Variants in IL3 observed in about 807,000 individuals in gnomAD.
The protein encoded by IL3 is interleukin-3.
IL3 carries 15 observed loss-of-function variants against 15.4 expected under a neutral mutation model. The ratio of observed to expected loss-of-function variants is 0.97; its 90% CI spans 0.65 to 1.50. The LOEUF (loss-of-function observed/expected upper bound fraction) is 1.50, where lower values mean the gene tolerates loss of function less well. IL3 is among the 40% of genes most tolerant of loss of function. The probability of loss-of-function intolerance (pLI) is 0.00; values close to 1 mark genes in which losing one functional copy is unlikely to be tolerated. For synonymous variants in IL3, 74 were observed against 79.3 expected (o/e 0.93, Z 0.36); for missense variants, 162 against 192.2 (o/e 0.84, Z 0.93).
rs1375334325 is a variant in IL3, at chr5:132,063,018, A to G, written c.*227A>G. The stretch of plus-strand genomic sequence containing the variant: ...TTCTCATTTTTATCCCATTGAGACT[A>G]TTTATTTATGTATGTATGTATTTAT... On this transcript the variant is annotated 3_prime_UTR_variant, in exon 5 of 5. Coordinates refer to ENST00000296870, the MANE Select transcript of IL3 (RefSeq NM_000588.4). 2 of 527,900 alleles carry G rather than the reference A, an allele frequency of 3.8e-6. No homozygotes were observed. The highest frequency in any genetic ancestry group is 6.4e-5 in the East Asian group (2 of 31,286). 32.7% of individuals were successfully genotyped at this position (527,900 alleles called of 1,614,324 possible).
intron 2 of IL3, among the ~76,000 whole-genome samples, 189 bp from the exon 3 acceptor site, chr5:132,062,123 C>T (rs1432423686): frequency 1.3e-5 from 2 of 152,208 alleles, no homozygotes; most frequent in African/African-American, 4.8e-5. Flanking sequence ...GAAACCAGGT[C>T]CTGCCTGCCA....
Position 132,062,295 on chromosome 5 carries a change from A to G in IL3, c.205-17A>G. ...TCTGTAACCTTTCCCCCTTAAGTGTATTCTCTGCCCCGTTAGGAAAATAAC... is the reference window on the plus strand; with the variant it reads ...TCTGTAACCTTTCCCCCTTAAGTGTGTTCTCTGCCCCGTTAGGAAAATAAC... On this transcript the variant is annotated splice_polypyrimidine_tract_variant and intron_variant, in intron 2 of 4. Transcript: ENST00000296870. 6.3e-7 allele frequency: 1 copy of G among 1,595,422 alleles called. No individual in the cohort carries two copies. The highest frequency in any genetic ancestry group is 2.2e-5 in the East Asian group (1 of 44,800).
rs567337040 is a variant in IL3, at chr5:132,061,180, C to T, written c.204+172C>T. 6.6e-5 allele frequency among the ~76,000 whole-genome samples: 10 copies of T among 152,356 alleles called. 1 individual carries two copies. In the South Asian group the frequency reaches 2.1e-3, roughly 32 times the overall value. On this transcript the variant is annotated intron_variant, in intron 2 of 4. Transcript: ENST00000296870. ...GCACAATGTGCATGTTCTGGCCCAGCATCTGGCACTTAAGAGTTCAATACA... is the reference window on the plus strand; with the variant it reads ...GCACAATGTGCATGTTCTGGCCCAGTATCTGGCACTTAAGAGTTCAATACA...
chr5:132,061,050 G>C (rs368079867), intron 2 of IL3, 42 bp downstream of exon 2: 1 of 1,593,472 alleles, frequency 6.3e-7, no homozygotes, highest in Non-Finnish European at 8.6e-7. Context: ...TTCCTGCCTG[G>C]GTGACTTCAG....
chr5:132,062,105 G>A (rs994667791), intron 2 of IL3, among the ~76,000 whole-genome samples: 1 of 152,190 alleles, frequency 6.6e-6, no homozygotes, highest in Admixed American at 6.5e-5. Context: ...AGAGACTGGG[G>A]GCTTGAGGAA....
chr5:132,061,768 A>AATTT (rs1561832580), intron 2 of IL3, among the ~76,000 whole-genome samples: 1 of 118,432 alleles, frequency 8.4e-6, no homozygotes. Context: ...CTCCCCACCC[A>AATTT]TTTTTTTTTT....
chr5:132,062,248 C>A, intron 2 of IL3, 64 bp from the exon 3 acceptor site: 2 of 1,313,998 alleles, frequency 1.5e-6, no homozygotes, highest in Non-Finnish European at 2.2e-6. Context: ...GGGTGACTTC[C>A]ACCTGCTTGT....
At chr5:132,060,941 GC>G in intron 1 of IL3, 25 bp from the exon 2 acceptor site, 8 of 1,613,950 alleles carry the variant, frequency 5.0e-6, no homozygotes, top group Non-Finnish European at 6.8e-6. Flanking sequence ...GGCCTCATGG[GC>G]CTTTCTCTCC....
chr5:132,062,360 A>G lies in IL3; in HGVS notation c.253A>G (p.Lys85Glu), dbSNP rs746225438. The G allele has an allele frequency of 6.2e-7, 1 of 1,614,106 alleles. No individual in the cohort carries two copies. Among genetic ancestry groups the G allele is most frequent in the South Asian group, 1.1e-5 (1 of 91,094 alleles). The change falls in exon 3 of 5, where the codon AAG becomes GAG. Residue 85 changes from lysine to glutamate, a missense_variant. Transcript: ENST00000296870. ...CCTGGAGGCATTCAACAGGGCTGTC[A>G]AGAGTTTACAGAACGCATCAGCAAT... ...PNLEAFNRAV[K>E]SLQNASAIES...
chr5:132,062,738 A>ACCC lies in IL3; in HGVS notation c.407_409dup (p.Thr136_Leu137insPro). On this transcript the variant is annotated inframe_insertion, in exon 5 of 5. Transcript: ENST00000296870. ...GAGGAAACTGACGTTCTATCTGAAA[A>ACCC]CCCTTGAGAATGCGCAGGCTCAACA... 6.2e-7 allele frequency: 1 copy of ACCC among 1,613,836 alleles called. No individual in the cohort carries two copies. Among genetic ancestry groups the ACCC allele is most frequent in the Non-Finnish European group, 8.5e-7 (1 of 1,179,944 alleles).
At position 132,062,981 on chromosome 5, in the gene IL3, T is replaced by A; in HGVS notation, c.*190T>A. 1 of 683,868 alleles carries A rather than the reference T, an allele frequency of 1.5e-6. No homozygotes were observed. Among genetic ancestry groups the A allele is most frequent in the South Asian group, 2.1e-5 (1 of 46,810 alleles). The allele number at this position is 683,868 out of a possible 1,614,324, so 42.4% of individuals were successfully genotyped here. ...GAAATGTGCAGCTCCCATTTGGCCT[T>A]GTGCGGTTGTGTTCTCATTTTTATC... On this transcript the variant is annotated 3_prime_UTR_variant, in exon 5 of 5. Coordinates refer to ENST00000296870, the MANE Select transcript of IL3 (RefSeq NM_000588.4).
At chr5:132,061,317 C>A (rs1231869185) in intron 2 of IL3, among the ~76,000 whole-genome samples, 3 of 152,234 alleles carry the variant, frequency 2.0e-5, no homozygotes, top group African/African-American at 2.4e-5. Context: ...GTAGGGCAGA[C>A]TCTGGACTGA....
chr5:132,062,522 A>C lies in IL3; in HGVS notation c.295-4A>C. The C allele has an allele frequency of 6.2e-7, 1 of 1,613,984 alleles. No individual in the cohort carries two copies. The highest frequency in any genetic ancestry group is 1.1e-5 in the South Asian group (1 of 91,068). ...TGACCATCTGCTTTGGTCTCTTTCC[A>C]CAGAATCTCCTGCCATGTCTGCCCC... On this transcript the variant is annotated splice_region_variant and splice_polypyrimidine_tract_variant and intron_variant, in intron 3 of 4. Coordinates refer to ENST00000296870, the MANE Select transcript of IL3 (RefSeq NM_000588.4).
chr5:132,062,647 C>T, intron 4 of IL3, 22 bp from the exon 5 acceptor site: 1 of 1,613,978 alleles, frequency 6.2e-7, no homozygotes, highest in Non-Finnish European at 8.5e-7. Context: ...CACCTAATGC[C>T]ACCTTCTTGG....
chr5:132,062,982 G>A lies in IL3; in HGVS notation c.*191G>A. 1.5e-6 allele frequency: 1 copy of A among 683,516 alleles called. No individual in the cohort carries two copies. The highest frequency in any genetic ancestry group is 2.2e-5 in the South Asian group (1 of 46,460). The allele number at this position is 683,516 out of a possible 1,614,324, so 42.3% of individuals were successfully genotyped here. A position where few individuals can be genotyped will look rare whatever the true frequency, so the allele number is the denominator to read the frequency against. On this transcript the variant is annotated 3_prime_UTR_variant, in exon 5 of 5. Coordinates refer to ENST00000296870, the MANE Select transcript of IL3 (RefSeq NM_000588.4). ...AAATGTGCAGCTCCCATTTGGCCTT[G>A]TGCGGTTGTGTTCTCATTTTTATCC...
chr5:132,061,483 T>A (rs117002440), intron 2 of IL3, among the ~76,000 whole-genome samples: 1 of 152,360 alleles, frequency 6.6e-6, no homozygotes, highest in East Asian at 1.9e-4. Flanking sequence ...TTGCATGACA[T>A]TTCTTGGGTC....
Position 132,063,175 on chromosome 5 carries a change from G to A in IL3, c.*384G>A, listed in dbSNP as rs890888371. The A allele has an allele frequency of 1.6e-5, 3 of 186,388 alleles. No homozygotes were observed. Among genetic ancestry groups the A allele is most frequent in the African/African-American group, 7.1e-5 (3 of 42,130 alleles). The allele number at this position is 186,388 out of a possible 1,614,324, so 11.5% of individuals were successfully genotyped here. A position where few individuals can be genotyped will look rare whatever the true frequency, so the allele number is the denominator to read the frequency against. On this transcript the variant is annotated 3_prime_UTR_variant, in exon 5 of 5. Coordinates refer to ENST00000296870, the MANE Select transcript of IL3 (RefSeq NM_000588.4). Reference sequence around the variant, plus strand: ...CTCGAGTTTTAAACTGGTTCCTAGGGATGTGTGAGAATAAACTAGACTCTG... The same window carrying A: ...CTCGAGTTTTAAACTGGTTCCTAGGAATGTGTGAGAATAAACTAGACTCTG...
At position 132,062,490 on chromosome 5, in the gene IL3, G is replaced by C. The variant is rs769137279; in HGVS notation, c.295-36G>C. ...AGCAGGGCCCACTCCCTTTCCAAGG[G>C]AATCTCTGACCATCTGCTTTGGTCT... On this transcript the variant is annotated intron_variant, in intron 3 of 4. Coordinates refer to ENST00000296870, the MANE Select transcript of IL3 (RefSeq NM_000588.4). 2.5e-6 allele frequency: 4 copies of C among 1,614,118 alleles called. No homozygotes were observed. In the Admixed American group the frequency reaches 6.7e-5, roughly 27 times the overall value.
At position 132,062,701 on chromosome 5, in the gene IL3, G is replaced by A; in HGVS notation, c.369G>A (p.Trp123Ter). 1 of 1,614,220 alleles carries A rather than the reference G, an allele frequency of 6.2e-7. No homozygotes were observed. Among genetic ancestry groups the A allele is most frequent in the South Asian group, 1.1e-5 (1 of 91,088 alleles). Reference protein sequence around the residue: ...RHPIHIKDGDWNEFRRKLTFY... With the variant: ...RHPIHIKDGD ...CAATCCATATCAAGGACGGTGACTG[G>A]AATGAATTCCGGAGGAAACTGACGT... The change falls in exon 5 of 5, where the codon TGG becomes TGA. Residue 123 changes from tryptophan to a stop codon, truncating the protein, a stop_gained. Transcript: ENST00000296870. LOFTEE classifies it low-confidence loss of function (END_TRUNC).
Sources: allele counts gnomAD v4.1 joint callset (sites outside exome capture counted in the v4.1 genomes callset), GRCh38; gene constraint gnomAD v4.1.1; transcripts MANE v1.5; gene names NCBI Gene and HGNC (gene_info 2026-07-23, HGNC 2026-07-21).